The following PROSER2 variants were observed in gnomAD, a reference collection of about 807,000 sequenced individuals.
PROSER2 encodes the protein proline and serine rich 2, also known as proline and serine-rich protein 2.
A neutral mutation model predicts 14.6 loss-of-function variants in PROSER2; 18 were observed. The ratio of observed to expected loss-of-function variants is 1.23; its 90% confidence interval spans 0.85 to 1.83. The LOEUF (loss-of-function observed/expected upper bound fraction) is 1.83, where lower values mean the gene tolerates loss of function less well. Ranked by LOEUF, PROSER2 falls within the 40% of genes most tolerant of loss-of-function variation. PROSER2 has a pLI of 0.00. For missense variants in PROSER2, 823 were observed against 629.8 expected, an observed-to-expected ratio of 1.31 and a Z score of -3.28; for synonymous variants, 367 against 286.4, an observed-to-expected ratio of 1.28 and a Z score of -2.84.
Position 11,843,221 on chromosome 10 carries a change from C to T in PROSER2, c.-81-8776C>T, listed in dbSNP as rs574322225. Among the ~76,000 whole-genome samples, 73 of 146,986 alleles carry T rather than the reference C, an allele frequency of 5.0e-4. No individual in the cohort carries two copies. In the South Asian group the frequency reaches 0.014, roughly 28 times the overall value. On this transcript the variant is annotated intron_variant, in intron 1 of 3. Coordinates refer to ENST00000277570, the MANE Select transcript of PROSER2 (RefSeq NM_153256.4). ...TCCCAAAGTGCCGGGATTACAGGTG[C>T]GAGCCACCGCACCCAGCCTTGCCAT...
intron 1 of PROSER2, among the ~76,000 whole-genome samples, chr10:11,824,548 T>A (rs2131039863): frequency 6.6e-6 from 1 of 152,310 alleles, no homozygotes; most frequent in South Asian, 2.1e-4. Flanking sequence ...GGAGGAGGTA[T>A]TTTCGTTCAT....
rs894995859 is a variant in PROSER2 at position 11,856,692 on chromosome 10, G to T, written c.138+4477G>T. 2.0e-5 allele frequency among the ~76,000 whole-genome samples: 3 copies of T among 152,228 alleles called. No homozygotes were observed. Among genetic ancestry groups the T allele is most frequent in the Non-Finnish European group, 2.9e-5 (2 of 68,042 alleles). ...GCTGTGGCCCTGAAGTCACACAGCGGTCTGTGACCAGGCAGCCGGCAGCTC... is the reference window on the plus strand; with the variant it reads ...GCTGTGGCCCTGAAGTCACACAGCGTTCTGTGACCAGGCAGCCGGCAGCTC... On this transcript the variant is annotated intron_variant, in intron 2 of 3. Coordinates refer to ENST00000277570, the MANE Select transcript of PROSER2 (RefSeq NM_153256.4). The surrounding 1 kb of genome is among the most constrained non-coding windows in gnomAD (Gnocchi z 5.3).
chr10:11,855,149 T>G (rs1367666855), intron 2 of PROSER2, among the ~76,000 whole-genome samples: 2 of 150,186 alleles, frequency 1.3e-5, no homozygotes, highest in Non-Finnish European at 3.0e-5. Flanking sequence ...GGTTTTTTGT[T>G]TTTTTTTTTT....
chr10:11,868,638 G>GT (rs1554768514), intron 3 of PROSER2, among the ~76,000 whole-genome samples: 2 of 136,134 alleles, frequency 1.5e-5, no homozygotes, highest in Non-Finnish European at 3.2e-5. Context: ...CAGGTTTTTT[G>GT]TTTTTTGTTT....
intron 2 of PROSER2, among the ~76,000 whole-genome samples, chr10:11,863,801 G>T (rs1170465369): frequency 1.3e-5 from 2 of 151,932 alleles, no homozygotes; most frequent in African/African-American, 4.8e-5. Flanking sequence ...TATGGTGTCG[G>T]TGTGTATGTT....
In PROSER2 at chr10:11,823,434, T is replaced by TG. The variant is rs1313483098; in HGVS notation, c.-116dup. ...TGAGGGCTCCGGGTCGCTGGCGGCG[T>TG]GGACACCTGAGTCCCGGGGTAGGGG... On this transcript the variant is annotated 5_prime_UTR_variant, in exon 1 of 4. Coordinates refer to ENST00000277570, the MANE Select transcript of PROSER2 (RefSeq NM_153256.4). The surrounding 1 kb of genome is among the most constrained non-coding windows in gnomAD (Gnocchi z 6.2). 3.9e-5 allele frequency: 6 copies of TG among 153,960 alleles called. No individual in the cohort carries two copies. The highest frequency in any genetic ancestry group is 6.6e-5 in the Admixed American group (1 of 15,248). The allele number at this position is 153,960 out of a possible 1,614,324, so 9.5% of individuals were successfully genotyped here. A position where few individuals can be genotyped will look rare whatever the true frequency, so the allele number is the denominator to read the frequency against.
intron 2 of PROSER2, among the ~76,000 whole-genome samples, chr10:11,858,076 A>AGGTG (rs1251714181): frequency 6.6e-6 from 1 of 152,124 alleles, no homozygotes; most frequent in African/African-American, 2.4e-5. Flanking sequence ...CTGGGATTAC[A>AGGTG]GGTGGGTGCT....
chr10:11,850,579 G>A (rs1339650069), intron 1 of PROSER2: 1 of 152,180 alleles, frequency 6.6e-6, no homozygotes, highest in Admixed American at 6.5e-5. Flanking sequence ...TTTACTATTT[G>A]GAATAGTGGC....
Position 11,830,625 on chromosome 10 carries a change from C to T in PROSER2, c.-82+7155C>T, listed in dbSNP as rs1342050482. 6.6e-6 allele frequency among the ~76,000 whole-genome samples: 1 copy of T among 152,156 alleles called. No homozygotes were observed. Among genetic ancestry groups the T allele is most frequent in the Non-Finnish European group, 1.5e-5 (1 of 68,038 alleles). ...ATTCTGTTTTCCATAGTCGACTCTA[C>T]CCTTGAGCTACTTAAAGGTGTCCTG... On this transcript the variant is annotated intron_variant, in intron 1 of 3. Transcript: ENST00000277570. This position sits in a 1 kb window ranked among gnomAD's most constrained non-coding sequence, Gnocchi z 4.5.
chr10:11,869,624 C>T lies in PROSER2; in HGVS notation c.526C>T (p.Arg176Cys). 4 of 1,595,208 alleles carry T rather than the reference C, an allele frequency of 2.5e-6. No individual in the cohort carries two copies. The highest frequency in any genetic ancestry group is 2.3e-5 in the East Asian group (1 of 44,066). The change falls in exon 4 of 4, where the codon CGC (arginine) becomes TGC (cysteine). Residue 176 changes from arginine to cysteine, a missense_variant. Arg to Cys is a radical substitution (Grantham distance 180). Coordinates refer to ENST00000277570, the MANE Select transcript of PROSER2 (RefSeq NM_153256.4). The surrounding 1 kb of genome is among the most constrained non-coding windows in gnomAD (Gnocchi z 4.4). ...CCCCGATCCCCCCAGGAGGGAGCTGCGCGCCCCCTCCCCGCCGGTGGAGCA... is the reference window on the plus strand; with the variant it reads ...CCCCGATCCCCCCAGGAGGGAGCTGTGCGCCCCCTCCCCGCCGGTGGAGCA... ...STPDPPRREL[R>C]APSPPVEHPR...
Position 11,870,021 on chromosome 10 carries a change from G to C in PROSER2, c.923G>C (p.Gly308Ala). 1.6e-6 allele frequency: 2 copies of C among 1,240,996 alleles called. No homozygotes were observed. Among genetic ancestry groups the C allele is most frequent in the African/African-American group, 1.6e-5 (1 of 63,124 alleles). 76.9% of individuals were successfully genotyped at this position (1,240,996 alleles called of 1,614,324 possible). The change falls in exon 4 of 4, where the codon GGG becomes GCG. Residue 308 changes from glycine to alanine, a missense_variant. By Grantham distance (60) the Gly-to-Ala change is moderately conservative. Transcript: ENST00000277570. Reference protein sequence around the residue: ...AAGDAGEGAPGGGSSPERVAR... With the variant: ...AAGDAGEGAPAGGSSPERVAR... ...GGGGACGCCGGCGAGGGGGCCCCAG[G>C]GGGCGGCTCCTCCCCGGAGCGGGTG...
intron 1 of PROSER2, among the ~76,000 whole-genome samples, chr10:11,827,530 G>A (rs112125913): frequency 1.4e-3 from 209 of 152,120 alleles, no homozygotes; most frequent in African/African-American, 4.6e-3. Flanking sequence ...TCTGACTTGC[G>A]CTTTGTCATT....
chr10:11,836,584 G>A lies in PROSER2; in HGVS notation c.-82+13114G>A, dbSNP rs1342206086. Among the ~76,000 whole-genome samples, 3 of 152,086 alleles carry A rather than the reference G, an allele frequency of 2.0e-5. No homozygotes were observed. The highest frequency in any genetic ancestry group is 2.4e-5 in the African/African-American group (1 of 41,422). On this transcript the variant is annotated intron_variant, in intron 1 of 3. Coordinates refer to ENST00000277570, the MANE Select transcript of PROSER2 (RefSeq NM_153256.4). This position sits in a 1 kb window ranked among gnomAD's most constrained non-coding sequence, Gnocchi z 4.6. ...TCTTCACAAAATTCATGGTATGCAC[G>A]CCGGCCCCTTCCTAGCGTGTAGGTG...
chr10:11,829,921 G>A (rs1042265541), intron 1 of PROSER2, among the ~76,000 whole-genome samples: 5 of 126,552 alleles, frequency 4.0e-5, no homozygotes, highest in Non-Finnish European at 6.3e-5. Context: ...TTGGCTCACC[G>A]CAGCCTCCAC....
chr10:11,854,711 C>T (rs1013664762), intron 2 of PROSER2, among the ~76,000 whole-genome samples: 24 of 151,996 alleles, frequency 1.6e-4, no homozygotes, highest in African/African-American at 5.3e-4. Context: ...GCATGTGTCA[C>T]CATCCCCGAC....
chr10:11,857,321 TA>T (rs1430479488), intron 2 of PROSER2: 1 of 152,234 alleles, frequency 6.6e-6, no homozygotes, highest in Non-Finnish European at 1.5e-5. Flanking sequence ...GTGAAGCCAT[TA>T]TTCTTTGGTT....
rs1244970861 is a variant in PROSER2, at chr10:11,865,821, G to C, written c.139-710G>C. On this transcript the variant is annotated intron_variant, in intron 2 of 3. Transcript: ENST00000277570. This position sits in a 1 kb window ranked among gnomAD's most constrained non-coding sequence, Gnocchi z 4.2. ...AGTTTTGTGCCGGGATGAGCTCATTGCTTCTGAAAGAGACTTTCAAACAGT... is the reference window on the plus strand; with the variant it reads ...AGTTTTGTGCCGGGATGAGCTCATTCCTTCTGAAAGAGACTTTCAAACAGT... 1.3e-5 allele frequency among the ~76,000 whole-genome samples: 2 copies of C among 152,158 alleles called. No homozygotes were observed. Among genetic ancestry groups the C allele is most frequent in the Admixed American group, 1.3e-4 (2 of 15,272 alleles).
intron 2 of PROSER2, among the ~76,000 whole-genome samples, chr10:11,864,057 G>A (rs1834296937): frequency 6.6e-6 from 1 of 152,182 alleles, no homozygotes; most frequent in African/African-American, 2.4e-5. Context: ...TCCGTGTTTA[G>A]AGGAACAGCT....
chr10:11,867,493 G>A (rs889848511), intron 3 of PROSER2, among the ~76,000 whole-genome samples: 5 of 151,700 alleles, frequency 3.3e-5, no homozygotes, highest in Non-Finnish European at 5.9e-5. Flanking sequence ...ATTAGCTGGC[G>A]CACACCTGTA....
Sources: allele counts gnomAD v4.1 joint callset (sites outside exome capture counted in the v4.1 genomes callset), GRCh38; gene constraint gnomAD v4.1.1; non-coding constraint Gnocchi (gnomAD v3.1); transcripts MANE v1.5; gene names NCBI Gene and HGNC (gene_info 2026-07-23, HGNC 2026-07-21).